The following KDM4C variants were observed in gnomAD, a reference collection of about 807,000 sequenced individuals.
KDM4C encodes the protein lysine-specific demethylase 4C.
Under a neutral mutation model 129.3 loss-of-function variants are expected in KDM4C, and 81 were observed. The ratio of observed to expected loss-of-function variants is 0.63; its 90% CI spans 0.52 to 0.75. The LOEUF (loss-of-function observed/expected upper bound fraction) is 0.75, where lower values mean the gene tolerates loss of function less well. Ranked by LOEUF, KDM4C falls within the 30% of genes least tolerant of loss-of-function variation. KDM4C has a pLI of 0.00. For synonymous variants in KDM4C, 573 were observed against 456.1 expected (o/e 1.26, Z -3.26); for missense variants, 1,457 against 1,304.0 (o/e 1.12, Z -1.81).
Position 6,956,831 on chromosome 9 carries a change from AAGGCATAGT to A in KDM4C, c.922-24090_922-24082del, listed in dbSNP as rs1325349347. ...TTGGTAGCAGAATCTTTCTTTTATC[AAGGCATAGT>A]AGGGTATCCATTTCTTTGGCTTCAG... On this transcript the variant is annotated intron_variant, in intron 8 of 21. Coordinates refer to ENST00000381309, the MANE Select transcript of KDM4C (RefSeq NM_015061.6). Among the ~76,000 whole-genome samples the A allele has an allele frequency of 3.9e-5, 6 of 152,150 alleles. No individual in the cohort carries two copies. In the South Asian group the frequency reaches 1.2e-3, roughly 32 times the overall value.
chr9:6,944,656 T>TTTTTTTTTTTTTTG (rs1554658792), intron 8 of KDM4C, among the ~76,000 whole-genome samples: 2 of 140,122 alleles, frequency 1.4e-5, no homozygotes, highest in East Asian at 4.2e-4. Context: ...GTAGAGGTTT[T>TTTTTTTTTTTTTTG]TTTTTTTTTT....
rs1004558222 is a variant in KDM4C at position 6,925,095 on chromosome 9, G to C, written c.921+31863G>C. On this transcript the variant is annotated intron_variant, in intron 8 of 21. Transcript: ENST00000381309. ...ATCCTTTTTAAAATTTAGCTTTCTAGTACAGACCATGCATTTTTCCTCTTT... is the reference window on the plus strand; with the variant it reads ...ATCCTTTTTAAAATTTAGCTTTCTACTACAGACCATGCATTTTTCCTCTTT... The C allele has an allele frequency of 1.2e-5, 12 of 985,286 alleles. No individual in the cohort carries two copies. In the East Asian group the frequency reaches 1.4e-3, roughly 112 times the overall value. The allele number at this position is 985,286 out of a possible 1,614,324, so 61.0% of individuals were successfully genotyped here. A position where few individuals can be genotyped will look rare whatever the true frequency, so the allele number is the denominator to read the frequency against.
chr9:7,092,504 T>C (rs1048826295), intron 17 of KDM4C, among the ~76,000 whole-genome samples: 2 of 152,230 alleles, frequency 1.3e-5, no homozygotes, highest in African/African-American at 2.4e-5. Context: ...CAGAGAAATA[T>C]GTTTCTCTTC....
intron 12 of KDM4C, among the ~76,000 whole-genome samples, chr9:6,995,909 CTG>C (rs1819637650): frequency 1.3e-5 from 2 of 152,134 alleles, no homozygotes; most frequent in East Asian, 1.9e-4. Flanking sequence ...ACCTCGTGAT[CTG>C]CCCACCTCGG....
chr9:7,076,476 C>G, intron 17 of KDM4C: 1 of 1,550,386 alleles, frequency 6.5e-7, no homozygotes, highest in Admixed American at 2.0e-5. Context: ...ACAACAACAA[C>G]AATAACAATG....
chr9:6,728,129 G>A (rs1817202551), intron 1 of KDM4C, among the ~76,000 whole-genome samples: 1 of 150,014 alleles, frequency 6.7e-6, no homozygotes, highest in Non-Finnish European at 1.5e-5. Flanking sequence ...AATGCTATGG[G>A]AACCATCCCA....
intron 17 of KDM4C, among the ~76,000 whole-genome samples, chr9:7,084,366 T>C (rs552941083): frequency 4.2e-4 from 64 of 152,230 alleles, no homozygotes; most frequent in African/African-American, 1.5e-3. Flanking sequence ...AAGACAAACG[T>C]TTTGTTAGCC....
intron 12 of KDM4C, among the ~76,000 whole-genome samples, chr9:6,995,828 C>T (rs373090933): frequency 5.9e-5 from 9 of 152,220 alleles, no homozygotes; most frequent in East Asian, 1.9e-4. Context: ...CCTGCCACCA[C>T]GCCCGGCTAA....
intron 8 of KDM4C, among the ~76,000 whole-genome samples, chr9:6,927,366 GTCATCCGCCTGCC>G (rs1449799317): frequency 6.6e-6 from 1 of 152,212 alleles, no homozygotes; most frequent in African/African-American, 2.4e-5. Context: ...CGGGCCTCAA[GTCATCCGCCTGCC>G]TTGGCTTCCC....
At chr9:6,954,573 A>G (rs10975934) in intron 8 of KDM4C, among the ~76,000 whole-genome samples, 9,775 of 152,254 alleles carry the variant, frequency 0.064, 645 homozygotes, top group African/African-American at 0.17. Flanking sequence ...ATAAAATTAT[A>G]TGAAAAATTC....
At chr9:6,749,877 T>C (rs949245508) in intron 1 of KDM4C, among the ~76,000 whole-genome samples, 1 of 150,378 alleles carries the variant, frequency 6.6e-6, no homozygotes, top group Non-Finnish European at 1.5e-5. Context: ...TCGCAGCTAC[T>C]TGGGAGGCCG....
intron 1 of KDM4C, among the ~76,000 whole-genome samples, chr9:6,790,500 C>T (rs924106097): frequency 8.6e-5 from 13 of 151,074 alleles, no homozygotes; most frequent in African/African-American, 2.4e-4. Context: ...CTGATCCGCC[C>T]GCCTCGGCCT....
At chr9:6,973,029 G>C (rs894020106) in intron 8 of KDM4C, among the ~76,000 whole-genome samples, 1 of 152,192 alleles carries the variant, frequency 6.6e-6, no homozygotes, top group Non-Finnish European at 1.5e-5. Flanking sequence ...TCATACTTGA[G>C]AGGGAAGGCA....
chr9:7,060,415 C>T (rs979736762), intron 17 of KDM4C, among the ~76,000 whole-genome samples: 3 of 150,390 alleles, frequency 2.0e-5, no homozygotes, highest in Non-Finnish European at 4.4e-5. Flanking sequence ...AGTGTTAATA[C>T]TAATTCTAAA....
At chr9:6,856,606 C>T (rs1236104530) in intron 5 of KDM4C, among the ~76,000 whole-genome samples, 4 of 150,394 alleles carry the variant, frequency 2.7e-5, no homozygotes, top group African/African-American at 4.9e-5. Flanking sequence ...CAGAGTCTCA[C>T]TCTGTTTCCC....
intron 8 of KDM4C, chr9:6,975,071 T>C (rs920589309): frequency 6.6e-6 from 1 of 152,226 alleles, no homozygotes; most frequent in Non-Finnish European, 1.5e-5. Flanking sequence ...AGTGCTCTCA[T>C]GGGTCAGAAA....
intron 17 of KDM4C, among the ~76,000 whole-genome samples, chr9:7,062,758 G>T (rs1195777752): frequency 1.3e-5 from 2 of 152,054 alleles, no homozygotes; most frequent in East Asian, 3.8e-4. Context: ...TGTGGAAGGG[G>T]TGAAATTAGA....
chr9:6,783,892 C>T (rs1303412121), intron 1 of KDM4C, among the ~76,000 whole-genome samples: 1 of 152,056 alleles, frequency 6.6e-6, no homozygotes, highest in African/African-American at 2.4e-5. Flanking sequence ...CAAAGAAACC[C>T]CGTTCTCTGT....
chr9:7,095,930 G>A (rs1836380592), intron 17 of KDM4C, among the ~76,000 whole-genome samples: 3 of 152,192 alleles, frequency 2.0e-5, no homozygotes, highest in Admixed American at 2.0e-4. Flanking sequence ...TTAGGAAATA[G>A]GTGCTCTTTA....
Sources: allele counts gnomAD v4.1 joint callset (sites outside exome capture counted in the v4.1 genomes callset), GRCh38; gene constraint gnomAD v4.1.1; transcripts MANE v1.5; gene names NCBI Gene and HGNC (gene_info 2026-07-23, HGNC 2026-07-21).